Variants in LITAF observed in about 807,000 individuals in gnomAD.
The protein encoded by LITAF is lipopolysaccharide induced TNF factor.
Under a neutral mutation model 14.5 loss-of-function variants are expected in LITAF, and 9 were observed. The observed-to-expected ratio is 0.62, with a 90% CI of 0.37 to 1.08. LITAF has a LOEUF of 1.08. Ranked by LOEUF, LITAF falls within the 50% of genes least tolerant of loss-of-function variation. LITAF has a pLI of 0.01. For missense variants in LITAF, 206 were observed against 213.4 expected, an observed-to-expected ratio of 0.97 and a Z score of 0.22; for synonymous variants, 98 against 88.2, an observed-to-expected ratio of 1.11 and a Z score of -0.62.
chr16:11,604,483 G>T (rs907664313), intron 3 of LITAF, among the ~76,000 whole-genome samples: 12 of 152,040 alleles, frequency 7.9e-5, no homozygotes, highest in Non-Finnish European at 1.5e-4. Context: ...CTTCAGGCAT[G>T]GCTGGATCCA....
intron 3 of LITAF, among the ~76,000 whole-genome samples, chr16:11,611,056 G>GA (rs2064979835): frequency 6.6e-6 from 1 of 151,992 alleles, no homozygotes; most frequent in African/African-American, 2.4e-5. Flanking sequence ...ACGGTTTCCA[G>GA]AAAAAAATAC....
At chr16:11,583,444 C>G (rs1265685066) in intron 1 of LITAF, among the ~76,000 whole-genome samples, 1 of 152,080 alleles carries the variant, frequency 6.6e-6, no homozygotes, top group Non-Finnish European at 1.5e-5. Context: ...GCAAGGAGAT[C>G]ATTAATAAGA....
At chr16:11,640,093 T>A (rs2065158668), upstream of LITAF, among the ~76,000 whole-genome samples, 1 of 152,168 alleles carries the variant, frequency 6.6e-6, no homozygotes, top group Admixed American at 6.5e-5. Context: ...TCGATGTGGA[T>A]AACCTTGTTT....
chr16:11,624,813 G>A (rs575799653), intron 3 of LITAF, among the ~76,000 whole-genome samples: 6 of 152,128 alleles, frequency 3.9e-5, no homozygotes, highest in Non-Finnish European at 7.4e-5. Flanking sequence ...AATCTGGGTG[G>A]CCTCGAGACT....
chr16:11,626,971 T>A (rs1012415804), intron 3 of LITAF, among the ~76,000 whole-genome samples: 1 of 152,066 alleles, frequency 6.6e-6, no homozygotes, highest in African/African-American at 2.4e-5. Context: ...GCCTCCCAAG[T>A]GGCTGAGACT....
At chr16:11,591,709 T>C (rs2064847467), upstream of LITAF, among the ~76,000 whole-genome samples, 1 of 152,138 alleles carries the variant, frequency 6.6e-6, no homozygotes, top group Admixed American at 6.6e-5. Context: ...GGCGTGATCT[T>C]GGCTCACTGC....
chr16:11,553,378 TC>T lies in LITAF; in HGVS notation c.377+154del. On this transcript the variant is annotated intron_variant, in intron 3 of 3. Transcript: ENST00000622633. The surrounding 1 kb of genome is among the most constrained non-coding windows in gnomAD (Gnocchi z 7.7). ...GTGAGCCGAGATCGCCCCACTGTAC[TC>T]CAGCCTGGGCGACAGAACCAGATTC... 1 of 818,528 alleles carries T rather than the reference TC, an allele frequency of 1.2e-6. No homozygotes were observed. Among genetic ancestry groups the T allele is most frequent in the Non-Finnish European group, 2.0e-6 (1 of 509,230 alleles). The allele number at this position is 818,528 out of a possible 1,614,324, so 50.7% of individuals were successfully genotyped here. A position where few individuals can be genotyped will look rare whatever the true frequency, so the allele number is the denominator to read the frequency against.
upstream of LITAF, among the ~76,000 whole-genome samples, chr16:11,590,800 T>C (rs1237970976): frequency 8.5e-6 from 1 of 117,682 alleles, no homozygotes; most frequent in South Asian, 2.6e-4. Flanking sequence ...TGGTACGATC[T>C]CGGCTCACCG....
intron 3 of LITAF, among the ~76,000 whole-genome samples, chr16:11,620,114 G>C (rs1184184415): frequency 6.7e-6 from 1 of 149,962 alleles, no homozygotes; most frequent in Non-Finnish European, 1.5e-5. Flanking sequence ...GCTGCAGAGA[G>C]CCGAGATGGC....
upstream of LITAF, among the ~76,000 whole-genome samples, chr16:11,599,904 CTCTA>C (rs1214412566): frequency 1.2e-4 from 18 of 152,304 alleles, no homozygotes; most frequent in Admixed American, 3.3e-4. Context: ...CCACTGACCA[CTCTA>C]TCTGAGGTTA....
intron 1 of LITAF, among the ~76,000 whole-genome samples, chr16:11,567,196 G>T (rs2064463661): frequency 6.6e-6 from 1 of 152,094 alleles, no homozygotes; most frequent in Non-Finnish European, 1.5e-5. Context: ...GAGGCAGGCG[G>T]ATTACCTGAG....
chr16:11,577,479 G>A (rs113295913), intron 1 of LITAF, among the ~76,000 whole-genome samples: 1,733 of 151,844 alleles, frequency 0.011, 38 homozygotes, highest in African/African-American at 0.04. Flanking sequence ...CACCACGCCC[G>A]GCTAGTTTTT....
chr16:11,597,141 G>T (rs1183363255), intron 1 of LITAF, among the ~76,000 whole-genome samples: 3 of 152,082 alleles, frequency 2.0e-5, no homozygotes, highest in Non-Finnish European at 4.4e-5. Flanking sequence ...AGCTAGAACT[G>T]GGGTAACAAG....
At chr16:11,568,380 C>T (rs759222460) in intron 1 of LITAF, among the ~76,000 whole-genome samples, 3 of 152,184 alleles carry the variant, frequency 2.0e-5, no homozygotes, top group Non-Finnish European at 1.5e-5. Context: ...CCCAATGTCC[C>T]CACCCCATCA....
rs1484621899 is a variant in LITAF at position 11,549,237 on chromosome 16, C to A, written c.*400G>T. On this transcript the variant is annotated 3_prime_UTR_variant, in exon 4 of 4. Transcript: ENST00000622633. The surrounding 1 kb of genome is among the most constrained non-coding windows in gnomAD (Gnocchi z 4.6). ...AGCCGAGCTCTGGGCAGAACAGCCT[C>A]AAAAATAAGGCAACTGTGGCTTCTC... 1 of 435,926 alleles carries A rather than the reference C, an allele frequency of 2.3e-6. No homozygotes were observed. 27.0% of individuals were successfully genotyped at this position (435,926 alleles called of 1,614,324 possible). A position where few individuals can be genotyped will look rare whatever the true frequency, so the allele number is the denominator to read the frequency against.
chr16:11,549,673 G>A lies in LITAF; in HGVS notation c.450C>T (p.Asn150=), dbSNP rs897775080. The A allele has an allele frequency of 4.3e-6, 7 of 1,613,756 alleles. No individual in the cohort carries two copies. The South Asian group carries it at 7.7e-5, about 18-fold the overall frequency. The change falls in exon 4 of 4, where the codon AAC becomes AAT. Residue 150 remains asparagine (N), a synonymous_variant. Coordinates refer to ENST00000622633, the MANE Select transcript of LITAF (RefSeq NM_001136472.2). The surrounding 1 kb of genome is among the most constrained non-coding windows in gnomAD (Gnocchi z 4.6). ...TGTAGGTGCCCAGGAGAGCTCTGCA[G>A]TTGGGACAGTAATGGTCCACGTCCT... is the stretch of plus-strand genomic sequence containing the variant. ...ALQDVDHYCP[N]CRALLGTYKR...
chr16:11,568,565 C>T (rs1000615781), intron 1 of LITAF, among the ~76,000 whole-genome samples: 5 of 152,016 alleles, frequency 3.3e-5, no homozygotes, highest in African/African-American at 4.8e-5. Flanking sequence ...GATGTCACAA[C>T]GTCAACAGTT....
rs72779176 is a variant in LITAF at position 11,577,256 on chromosome 16, A to G, written c.-6+9630T>C. On this transcript the variant is annotated intron_variant, in intron 1 of 3. Coordinates refer to ENST00000622633, the MANE Select transcript of LITAF (RefSeq NM_001136472.2). ...CACAGCTGAGGTCTCCTGTGCCCAT[A>G]TGGCACATCTATCCCATCTATGACA... Among the ~76,000 whole-genome samples, 927 of 151,828 alleles carry G rather than the reference A, an allele frequency of 6.1e-3. 16 individuals are homozygous for G. Among genetic ancestry groups the G allele is most frequent in the Non-Finnish European group, 7.2e-3 (486 of 67,964 alleles).
Position 11,553,774 on chromosome 16 carries a change from G to T in LITAF, c.221-85C>A. On this transcript the variant is annotated intron_variant, in intron 2 of 3. Coordinates refer to ENST00000622633, the MANE Select transcript of LITAF (RefSeq NM_001136472.2). The surrounding 1 kb of genome is among the most constrained non-coding windows in gnomAD (Gnocchi z 7.7). ...CTACAGGACAAAGAGAGGAACGCAG[G>T]GATGCCAGCAAATATTATATTTGTA... 1.4e-6 allele frequency: 2 copies of T among 1,440,802 alleles called. No homozygotes were observed. Among genetic ancestry groups the T allele is most frequent in the African/African-American group, 1.4e-5 (1 of 71,634 alleles). 89.3% of individuals were successfully genotyped at this position (1,440,802 alleles called of 1,614,324 possible).
Sources: gnomAD v4.1 joint callset for allele counts (sites outside exome capture counted in the v4.1 genomes callset) on GRCh38, gnomAD v4.1.1 for gene constraint, Gnocchi (gnomAD v3.1) non-coding constraint, MANE v1.5 for transcripts, NCBI Gene and HGNC (gene_info 2026-07-23, HGNC 2026-07-21) for gene names.